Variants in TMEM255A observed in about 807,000 individuals in gnomAD.
TMEM255A encodes transmembrane protein 255A.
TMEM255A carries 14 observed loss-of-function variants against 23.5 expected under a neutral mutation model. The observed-to-expected ratio is 0.60, with a 90% CI of 0.39 to 0.93. The LOEUF is 0.93. TMEM255A is among the 40% of genes least tolerant of loss of function. The pLI is 0.00. For synonymous variants in TMEM255A, 104 were observed against 100.3 expected (o/e 1.04, Z -0.22); for missense variants, 233 against 261.7 (o/e 0.89, Z 0.76).
intron 4 of TMEM255A, among the ~76,000 whole-genome samples, chrX:120,290,137 T>C (rs1300880083): frequency 9.0e-6 from 1 of 111,500 alleles, no homozygotes; most frequent in Non-Finnish European, 1.9e-5. Flanking sequence ...ACTAAATATA[T>C]TAAAAATCAT....
intron 2 of TMEM255A, among the ~76,000 whole-genome samples, chrX:120,302,034 G>A (rs1384041364): frequency 8.9e-6 from 1 of 111,816 alleles, no homozygotes; most frequent in Non-Finnish European, 1.9e-5. Context: ...AACTATGAGA[G>A]CACATTTTTA....
intron 8 of TMEM255A, among the ~76,000 whole-genome samples, chrX:120,264,116 A>G (rs929726632): frequency 4.5e-5 from 5 of 111,664 alleles, no homozygotes; most frequent in Non-Finnish European, 9.4e-5. Context: ...AAGTAGGGGT[A>G]CTGGCCCAGT....
intron 2 of TMEM255A, among the ~76,000 whole-genome samples, chrX:120,295,651 T>A (rs1036188803): frequency 1.8e-5 from 2 of 112,119 alleles, no homozygotes; most frequent in Non-Finnish European, 3.8e-5. Context: ...AACTTAGTTA[T>A]CACACTAGCC....
At chrX:120,278,436 C>T (rs897584666) in intron 6 of TMEM255A, among the ~76,000 whole-genome samples, 2 of 112,430 alleles carry the variant, frequency 1.8e-5, no homozygotes, top group Admixed American at 1.9e-4. Context: ...GATGTGTCTA[C>T]TACGTTATTG....
Position 120,296,887 on chromosome X carries a change from T to TATATA in TMEM255A, c.202-2837_202-2836insTATAT, listed in dbSNP as rs1473169995. The stretch of plus-strand genomic sequence containing the variant: ...AATATATTATATATCATATATATTA[T>TATATA]ATATGATATATATAATATTATATAT... On this transcript the variant is annotated intron_variant, in intron 2 of 8. Coordinates refer to ENST00000371369, the MANE Select transcript of TMEM255A (RefSeq NM_001104544.3). Among the ~76,000 whole-genome samples, 49 of 11,997 alleles carry TATATA rather than the reference T, an allele frequency of 4.1e-3. 12 individuals carry two copies. The highest frequency in any genetic ancestry group is 0.01 in the South Asian group (1 of 100). The allele number at this position is 11,997 out of a possible 115,157, so 10.4% of individuals were successfully genotyped here.
At chrX:120,282,024 T>C (rs1302740466) in intron 6 of TMEM255A, among the ~76,000 whole-genome samples, 1 of 112,113 alleles carries the variant, frequency 8.9e-6, no homozygotes, top group Non-Finnish European at 1.9e-5. Flanking sequence ...TTTTTTTTTC[T>C]TGGCCTCCTT....
At chrX:120,261,103 T>C in intron 8 of TMEM255A, 75 bp from the exon 9 acceptor site, 1 of 1,106,960 alleles carries the variant, frequency 9.0e-7, no homozygotes. Context: ...TATTTAAAAA[T>C]GAATATGGGC....
intron 8 of TMEM255A, among the ~76,000 whole-genome samples, chrX:120,263,435 C>T (rs895472754): frequency 8.9e-6 from 1 of 111,866 alleles, no homozygotes; most frequent in Non-Finnish European, 1.9e-5. Context: ...AGGAGCACCA[C>T]CCTTTCAGGG....
intron 5 of TMEM255A, among the ~76,000 whole-genome samples, chrX:120,286,379 T>C (rs2057875342): frequency 8.9e-6 from 1 of 112,103 alleles, no homozygotes; most frequent in Middle Eastern, 4.6e-3. Flanking sequence ...GTTAATAGAG[T>C]ACAAAATTGT....
At position 120,259,621 on chromosome X, in the gene TMEM255A, T is replaced by A. The variant is rs1330972888; in HGVS notation, c.*1249A>T. On this transcript the variant is annotated 3_prime_UTR_variant, in exon 9 of 9. Coordinates refer to ENST00000371369, the MANE Select transcript of TMEM255A (RefSeq NM_001104544.3). ...ATCTTCCTTTAAATCAATTCTCAGG[T>A]TAACATAAGATCACAATGAAGGTGT... 1 of 112,030 alleles carries A rather than the reference T, an allele frequency of 8.9e-6. No individual in the cohort carries two copies. The highest frequency in any genetic ancestry group is 1.9e-5 in the Non-Finnish European group (1 of 53,155). 9.2% of individuals were successfully genotyped at this position (112,030 alleles called of 1,213,427 possible). A position where few individuals can be genotyped will look rare whatever the true frequency, so the allele number is the denominator to read the frequency against.
intron 7 of TMEM255A, among the ~76,000 whole-genome samples, chrX:120,270,670 G>C (rs992209379): frequency 9.0e-6 from 1 of 111,391 alleles, no homozygotes; most frequent in East Asian, 2.8e-4. Context: ...AGCACCTCTT[G>C]TCAGGGTTCC....
chrX:120,271,653 A>C (rs2057762275), intron 7 of TMEM255A, among the ~76,000 whole-genome samples: 1 of 108,483 alleles, frequency 9.2e-6, no homozygotes, highest in Admixed American at 9.9e-5. Context: ...TGTGCTGGGA[A>C]AACTGGATAT....
chrX:120,293,092 A>G (rs1392095626), intron 3 of TMEM255A, among the ~76,000 whole-genome samples: 1 of 112,191 alleles, frequency 8.9e-6, no homozygotes, highest in Non-Finnish European at 1.9e-5. Flanking sequence ...CTGGGGGAAA[A>G]CATATGGTTA....
rs1050248089 is a variant in TMEM255A, at chrX:120,311,397, T to C, written c.-88A>G. 1.2e-6 allele frequency: 1 copy of C among 812,697 alleles called. No homozygotes were observed. The highest frequency in any genetic ancestry group is 1.8e-6 in the Non-Finnish European group (1 of 550,669). The allele number at this position is 812,697 out of a possible 1,213,427, so 67.0% of individuals were successfully genotyped here. Reference sequence around the variant, plus strand: ...CCCCGCAGAGCATCCTACTCCGCGGTTGCCTCTCTCGGTCCTTCCGAGAGC... The same window carrying C: ...CCCCGCAGAGCATCCTACTCCGCGGCTGCCTCTCTCGGTCCTTCCGAGAGC... On this transcript the variant is annotated 5_prime_UTR_variant, in exon 1 of 9. Transcript: ENST00000371369.
At chrX:120,292,929 T>C (rs1459848243) in intron 3 of TMEM255A, among the ~76,000 whole-genome samples, 6 of 112,311 alleles carry the variant, frequency 5.3e-5, no homozygotes, top group Non-Finnish European at 9.4e-5. Flanking sequence ...ATTGACATTA[T>C]TAGCTATGCT....
chrX:120,253,199 T>TA, the TMEM255A span, among the ~76,000 whole-genome samples: 3 of 112,026 alleles, frequency 2.7e-5, no homozygotes, highest in African/African-American at 9.7e-5. Context: ...TGTAACAATG[T>TA]AAAACTTGCT....
rs1212034870 is a variant in TMEM255A at position 120,297,078 on chromosome X, T to TATAA, written c.202-3028_202-3027insTTAT. 2.1e-3 allele frequency among the ~76,000 whole-genome samples: 16 copies of TATAA among 7,608 alleles called. 3 individuals are homozygous for TATAA. Among genetic ancestry groups the TATAA allele is most frequent in the African/African-American group, 8.4e-3 (4 of 477 alleles). The allele number at this position is 7,608 out of a possible 115,157, so 6.6% of individuals were successfully genotyped here. ...TATATATAATATTATATATATTATATTATATTATAATATATATAATATTAT... is the reference window on the plus strand; with the variant it reads ...TATATATAATATTATATATATTATATATAATATATTATAATATATATAATATTAT... On this transcript the variant is annotated intron_variant, in intron 2 of 8. Coordinates refer to ENST00000371369, the MANE Select transcript of TMEM255A (RefSeq NM_001104544.3).
Position 120,272,391 on chromosome X carries a change from G to C in TMEM255A, c.676-4004C>G, listed in dbSNP as rs917004135. Among the ~76,000 whole-genome samples the C allele has an allele frequency of 8.1e-5, 9 of 111,492 alleles. No individual in the cohort carries two copies. The Admixed American group carries it at 8.5e-4, about 11-fold the overall frequency. The stretch of plus-strand genomic sequence containing the variant: ...GACTGAGGTTGGCTTTTACGCACTT[G>C]ATGCACTGATACGGTTTGGATTTGT... On this transcript the variant is annotated intron_variant, in intron 7 of 8. Coordinates refer to ENST00000371369, the MANE Select transcript of TMEM255A (RefSeq NM_001104544.3).
intron 2 of TMEM255A, among the ~76,000 whole-genome samples, chrX:120,297,892 A>G (rs1033818421): frequency 3.6e-5 from 4 of 110,932 alleles, no homozygotes; most frequent in African/African-American, 1.3e-4. Flanking sequence ...GTTGAAAATA[A>G]AGAAGGGAAA....
Sources: gnomAD v4.1 joint callset for allele counts (sites outside exome capture counted in the v4.1 genomes callset) on GRCh38, gnomAD v4.1.1 for gene constraint, MANE v1.5 for transcripts, NCBI Gene and HGNC (gene_info 2026-07-23, HGNC 2026-07-21) for gene names.